CDC42SE2: variants seen among roughly 807,000 people sequenced by gnomAD.
CDC42SE2 encodes CDC42 small effector 2.
A neutral mutation model predicts 11.5 loss-of-function variants in CDC42SE2; 3 were observed. The ratio of observed to expected loss-of-function variants is 0.26; its 90% CI spans 0.12 to 0.67. CDC42SE2 has a LOEUF of 0.67. CDC42SE2 is among the 30% of genes least tolerant of loss of function. The probability of loss-of-function intolerance (pLI) is 0.80; values close to 1 mark genes in which losing one functional copy is unlikely to be tolerated. For synonymous variants in CDC42SE2, 33 were observed against 34.8 expected (o/e 0.95, Z 0.18); for missense variants, 82 against 106.8 (o/e 0.77, Z 1.02).
chr5:131,248,845 G>A (rs1165626183), intron 1 of CDC42SE2, among the ~76,000 whole-genome samples: 1 of 152,068 alleles, frequency 6.6e-6, no homozygotes, highest in East Asian at 1.9e-4. Flanking sequence ...CTGTGTTAAT[G>A]TGTAGGAAGA....
chr5:131,306,158 G>A (rs952070848), intron 1 of CDC42SE2, among the ~76,000 whole-genome samples: 3 of 152,124 alleles, frequency 2.0e-5, no homozygotes, highest in African/African-American at 4.8e-5. Flanking sequence ...ATCTTGTGCC[G>A]TCCTGCCTTG....
the CDC42SE2 span, among the ~76,000 whole-genome samples, chr5:131,225,781 C>T: frequency 6.6e-6 from 1 of 152,050 alleles, no homozygotes; most frequent in Non-Finnish European, 1.5e-5. Flanking sequence ...TAAATCACAG[C>T]AGGCCTCAGG....
At chr5:131,251,226 T>C (rs1051537887) in intron 1 of CDC42SE2, among the ~76,000 whole-genome samples, 3 of 152,212 alleles carry the variant, frequency 2.0e-5, no homozygotes, top group Non-Finnish European at 2.9e-5. Context: ...CTGAAATGCT[T>C]TTGTAGTGCG....
chr5:131,378,792 T>C (rs1750228784), intron 3 of CDC42SE2, among the ~76,000 whole-genome samples: 1 of 152,256 alleles, frequency 6.6e-6, no homozygotes, highest in African/African-American at 2.4e-5. Flanking sequence ...TCTTTTCTAG[T>C]TCCATACTGA....
chr5:131,371,684 C>T (rs1750015878), intron 3 of CDC42SE2, among the ~76,000 whole-genome samples: 1 of 152,170 alleles, frequency 6.6e-6, no homozygotes, highest in Non-Finnish European at 1.5e-5. Flanking sequence ...AAGTTAAGAT[C>T]AGTGAATTAG....
chr5:131,262,177 T>G (rs1393458794), upstream of CDC42SE2, among the ~76,000 whole-genome samples: 1 of 151,878 alleles, frequency 6.6e-6, no homozygotes, highest in Non-Finnish European at 1.5e-5. Context: ...GTTTTTTTTT[T>G]TTGTTCTAGG....
intron 2 of CDC42SE2, among the ~76,000 whole-genome samples, chr5:131,329,462 G>A (rs920455855): frequency 1.4e-4 from 21 of 152,046 alleles, no homozygotes; most frequent in African/African-American, 4.8e-4. Flanking sequence ...GTAAGAATTG[G>A]ATGACTTCAT....
chr5:131,283,174 G>T (rs935132062), intron 1 of CDC42SE2, among the ~76,000 whole-genome samples: 1 of 151,798 alleles, frequency 6.6e-6, no homozygotes. Context: ...TGATCTGCCC[G>T]CCTTGGCCTC....
chr5:131,253,310 G>A (rs949985806), intron 1 of CDC42SE2, among the ~76,000 whole-genome samples: 2 of 152,150 alleles, frequency 1.3e-5, no homozygotes, highest in Admixed American at 1.3e-4. Context: ...CTAAATTGCT[G>A]GATTGTCTTC....
At position 131,357,712 on chromosome 5, in the gene CDC42SE2, T is replaced by C. The variant is rs565777601; in HGVS notation, c.-285-1497T>C. On this transcript the variant is annotated intron_variant, in intron 2 of 4. Transcript: ENST00000505065. Reference sequence around the variant, plus strand: ...TTGATCTTTTCATTTCAAGGAAGGCTCATTTTCTTCATTCTACCACTCTAC... The same window carrying C: ...TTGATCTTTTCATTTCAAGGAAGGCCCATTTTCTTCATTCTACCACTCTAC... Among the ~76,000 whole-genome samples the C allele has an allele frequency of 5.9e-5, 9 of 152,328 alleles. No individual in the cohort carries two copies. The South Asian group carries it at 1.9e-3, about 32-fold the overall frequency.
upstream of CDC42SE2, among the ~76,000 whole-genome samples, chr5:131,243,461 C>T (rs1462805818): frequency 1.3e-5 from 2 of 152,146 alleles, no homozygotes; most frequent in African/African-American, 2.4e-5. Flanking sequence ...TGGTGGGCAC[C>T]TGTAGTCCCA....
chr5:131,306,005 A>T (rs1757770567), intron 1 of CDC42SE2, among the ~76,000 whole-genome samples: 1 of 152,208 alleles, frequency 6.6e-6, no homozygotes, highest in African/African-American at 2.4e-5. Context: ...CATTTACAGT[A>T]GTTTCACCTT....
intron 1 of CDC42SE2, among the ~76,000 whole-genome samples, chr5:131,275,772 A>G (rs2149697216): frequency 6.6e-6 from 1 of 151,950 alleles, no homozygotes; most frequent in East Asian, 1.9e-4. Context: ...TTTTTTTGAA[A>G]GCTCAAATAG....
intron 1 of CDC42SE2, among the ~76,000 whole-genome samples, chr5:131,293,927 A>G (rs1056522926): frequency 6.6e-6 from 1 of 152,220 alleles, no homozygotes; most frequent in African/African-American, 2.4e-5. Context: ...TATAAAGGCA[A>G]CTGGGACAAA....
intron 1 of CDC42SE2, among the ~76,000 whole-genome samples, chr5:131,284,875 G>T (rs141373795): frequency 9.3e-4 from 142 of 152,110 alleles, no homozygotes; most frequent in Non-Finnish European, 1.6e-3. Flanking sequence ...GATAATAGAG[G>T]TTGCCTATGG....
chr5:131,390,633 C>G (rs971937620), intron 4 of CDC42SE2, among the ~76,000 whole-genome samples: 2 of 151,788 alleles, frequency 1.3e-5, no homozygotes, highest in Non-Finnish European at 2.9e-5. Flanking sequence ...TGAGATGACG[C>G]CAGTGCACTC....
intron 1 of CDC42SE2, among the ~76,000 whole-genome samples, chr5:131,273,820 C>G (rs1316630999): frequency 1.3e-5 from 2 of 151,972 alleles, no homozygotes; most frequent in South Asian, 2.1e-4. Flanking sequence ...GCTCATCCTC[C>G]AGGCTGGAGT....
At chr5:131,337,118 G>C (rs1758587492) in intron 2 of CDC42SE2, among the ~76,000 whole-genome samples, 1 of 152,156 alleles carries the variant, frequency 6.6e-6, no homozygotes, top group Non-Finnish European at 1.5e-5. Context: ...TTTGGTCTTT[G>C]ATGATGGTGA....
intron 3 of CDC42SE2, among the ~76,000 whole-genome samples, chr5:131,380,675 C>G (rs527826693): frequency 6.6e-6 from 1 of 152,198 alleles, no homozygotes; most frequent in Non-Finnish European, 1.5e-5. Flanking sequence ...TTTTCTTTTT[C>G]CTTCTTTTTC....
Sources: gnomAD v4.1 joint callset for allele counts (sites outside exome capture counted in the v4.1 genomes callset) on GRCh38, gnomAD v4.1.1 for gene constraint, MANE v1.5 for transcripts, NCBI Gene and HGNC (gene_info 2026-07-23, HGNC 2026-07-21) for gene names.